CTNNA3: variants seen among roughly 807,000 people sequenced by gnomAD.
The protein encoded by CTNNA3 is catenin alpha 3, also known as catenin alpha-3.
A neutral mutation model predicts 95.7 loss-of-function variants in CTNNA3; 76 were observed. The observed-to-expected ratio is 0.79, with a 90% confidence interval of 0.66 to 0.96. CTNNA3 has a LOEUF of 0.96. CTNNA3 is among the 40% of genes least tolerant of loss of function. The pLI is 0.00. For synonymous variants in CTNNA3, 431 were observed against 374.4 expected, an observed-to-expected ratio of 1.15 and a Z score of -1.74; for missense variants, 1,191 against 1,089.8, an observed-to-expected ratio of 1.09 and a Z score of -1.31.
chr10:67,002,593 C>T (rs576719052), intron 7 of CTNNA3, among the ~76,000 whole-genome samples: 220 of 152,094 alleles, frequency 1.4e-3, no homozygotes, highest in Admixed American at 2.5e-3. Context: ...ACAATGAACA[C>T]AGGTAAATTA....
At chr10:67,448,344 G>T (rs923578706) in intron 5 of CTNNA3, among the ~76,000 whole-genome samples, 2 of 152,226 alleles carry the variant, frequency 1.3e-5, no homozygotes, top group Middle Eastern at 3.4e-3. Flanking sequence ...AATGCAATTT[G>T]TTCAGAAAGT....
chr10:66,005,278 G>T (rs1223524438), intron 15 of CTNNA3, among the ~76,000 whole-genome samples: 1 of 152,140 alleles, frequency 6.6e-6, no homozygotes, highest in Non-Finnish European at 1.5e-5. Flanking sequence ...CCATTATTTA[G>T]CCTACACAGC....
intron 5 of CTNNA3, among the ~76,000 whole-genome samples, chr10:67,281,723 G>C (rs1205148449): frequency 6.6e-6 from 1 of 151,978 alleles, no homozygotes; most frequent in African/African-American, 2.4e-5. Context: ...ACAATCACTT[G>C]TATTATATTA....
At chr10:66,172,318 T>C (rs1167763946) in intron 13 of CTNNA3, among the ~76,000 whole-genome samples, 1 of 152,186 alleles carries the variant, frequency 6.6e-6, no homozygotes, top group Non-Finnish European at 1.5e-5. Context: ...AAAGCCTTTG[T>C]TTTCCTGCAG....
chr10:66,160,646 G>C (rs2133932977), intron 13 of CTNNA3, among the ~76,000 whole-genome samples: 1 of 152,176 alleles, frequency 6.6e-6, no homozygotes, highest in South Asian at 2.1e-4. Context: ...TGAATAAAAT[G>C]TGTATTCTGT....
intron 3 of CTNNA3, among the ~76,000 whole-genome samples, chr10:67,580,048 C>T (rs912174046): frequency 6.6e-6 from 1 of 152,108 alleles, no homozygotes; most frequent in African/African-American, 2.4e-5. Context: ...TGCGGAAGCT[C>T]TTTAGTTTAA....
intron 7 of CTNNA3, among the ~76,000 whole-genome samples, chr10:66,776,911 T>A (rs887039615): frequency 3.9e-5 from 6 of 152,188 alleles, no homozygotes; most frequent in Non-Finnish European, 8.8e-5. Context: ...GTAACTTACA[T>A]AGGACTTATC....
intron 5 of CTNNA3, among the ~76,000 whole-genome samples, chr10:67,298,586 T>C (rs1840137539): frequency 6.6e-6 from 1 of 152,248 alleles, no homozygotes; most frequent in Admixed American, 6.5e-5. Context: ...TGATGTTCTA[T>C]TGGGTATAAA....
chr10:67,515,016 T>A (rs1839767897), intron 5 of CTNNA3, among the ~76,000 whole-genome samples: 1 of 152,166 alleles, frequency 6.6e-6, no homozygotes, highest in Non-Finnish European at 1.5e-5. Context: ...TTAAAAGATG[T>A]CTCTATAATG....
At chr10:65,989,723 T>A (rs2078500423) in intron 15 of CTNNA3, among the ~76,000 whole-genome samples, 1 of 152,216 alleles carries the variant, frequency 6.6e-6, no homozygotes, top group Admixed American at 6.5e-5. Context: ...GTTGAAAATA[T>A]TTGAAGTCTT....
At chr10:66,293,801 G>A (rs1311735530) in intron 12 of CTNNA3, among the ~76,000 whole-genome samples, 5 of 151,854 alleles carry the variant, frequency 3.3e-5, no homozygotes, top group Non-Finnish European at 7.4e-5. Context: ...GAGTAGCTGG[G>A]ATTACAGGCG....
intron 13 of CTNNA3, among the ~76,000 whole-genome samples, chr10:66,156,783 T>C (rs187932867): frequency 2.0e-5 from 3 of 152,006 alleles, no homozygotes; most frequent in East Asian, 1.9e-4. Context: ...AGTTCCAACA[T>C]AGTGGGAAGC....
Position 66,150,235 on chromosome 10 carries a change from A to G in CTNNA3, c.1885-46986T>C, listed in dbSNP as rs1047367681. On this transcript the variant is annotated intron_variant, in intron 13 of 17. Transcript: ENST00000433211. ...TCTCATGAGATCTGATGGTTTTAAAAACAAGAGTTTTTCTGCACAAGCTCT... is the reference window on the plus strand; with the variant it reads ...TCTCATGAGATCTGATGGTTTTAAAGACAAGAGTTTTTCTGCACAAGCTCT... Among the ~76,000 whole-genome samples, 5 of 152,152 alleles carry G rather than the reference A, an allele frequency of 3.3e-5. No individual in the cohort carries two copies. In the East Asian group the frequency reaches 9.6e-4, roughly 29 times the overall value.
intron 17 of CTNNA3, among the ~76,000 whole-genome samples, chr10:65,963,782 T>C (rs1424176885): frequency 4.6e-5 from 7 of 152,198 alleles, no homozygotes; most frequent in African/African-American, 1.4e-4. Context: ...ACATGCAACT[T>C]CAAGATGAGT....
chr10:66,993,318 A>T (rs1028710555), intron 7 of CTNNA3, among the ~76,000 whole-genome samples: 6 of 152,218 alleles, frequency 3.9e-5, no homozygotes, highest in Admixed American at 3.9e-4. Context: ...AGCCTCAGAC[A>T]TCACTCAAAG....
chr10:66,055,709 G>A (rs992739959), intron 15 of CTNNA3, among the ~76,000 whole-genome samples: 56 of 152,130 alleles, frequency 3.7e-4, no homozygotes, highest in African/African-American at 1.3e-3. Flanking sequence ...AGATCATGAG[G>A]TCAGGAGTTT....
At position 67,672,616 on chromosome 10, in the gene CTNNA3, T is replaced by A. The variant is rs1840458964; in HGVS notation, c.-6+23384A>T. 2.6e-5 allele frequency among the ~76,000 whole-genome samples: 4 copies of A among 152,182 alleles called. No individual in the cohort carries two copies. The South Asian group carries it at 8.3e-4, about 32-fold the overall frequency. On this transcript the variant is annotated intron_variant, in intron 1 of 17. Coordinates refer to ENST00000433211, the MANE Select transcript of CTNNA3 (RefSeq NM_013266.4). ...TCCCAGCACCATTTATTAAAAAGGG[T>A]ATCCTTTCCCCATTGCTTGTTTCTC...
chr10:66,137,936 C>T (rs759893546), intron 13 of CTNNA3, among the ~76,000 whole-genome samples: 1 of 151,540 alleles, frequency 6.6e-6, no homozygotes, highest in Non-Finnish European at 1.5e-5. Context: ...GGCAACAGAG[C>T]CACATCCTGT....
intron 11 of CTNNA3, among the ~76,000 whole-genome samples, chr10:66,510,512 T>C (rs1323222525): frequency 6.6e-6 from 1 of 151,898 alleles, no homozygotes; most frequent in African/African-American, 2.4e-5. Flanking sequence ...CTTCATTCAG[T>C]ATAATGTTAG....
Sources: gnomAD v4.1 joint callset for allele counts (sites outside exome capture counted in the v4.1 genomes callset) on GRCh38, gnomAD v4.1.1 for gene constraint, MANE v1.5 for transcripts, NCBI Gene and HGNC (gene_info 2026-07-23, HGNC 2026-07-21) for gene names.